NFYC: variants seen among roughly 807,000 people sequenced by gnomAD.
NFYC encodes the protein nuclear transcription factor Y subunit gamma, also known as CAAT box DNA-binding protein subunit C.
In NFYC, 25 loss-of-function variants were observed where a neutral mutation model predicts 53.1. The observed-to-expected ratio is 0.47, with a 90% CI of 0.34 to 0.66. NFYC has a LOEUF of 0.66. Ranked by LOEUF, NFYC falls within the 30% of genes least tolerant of loss-of-function variation. NFYC has a pLI of 0.01. For synonymous variants in NFYC, 145 were observed against 152.6 expected (o/e 0.95, Z 0.37); for missense variants, 260 against 422.7 (o/e 0.62, Z 3.38).
At chr1:40,762,381 G>A (rs962049341) in intron 6 of NFYC, among the ~76,000 whole-genome samples, 2 of 152,172 alleles carry the variant, frequency 1.3e-5, no homozygotes, top group African/African-American at 4.8e-5. Context: ...ACTAGGGCCC[G>A]CCTTGGAGAT....
chr1:40,733,304 A>G (rs1342431758), intron 1 of NFYC, among the ~76,000 whole-genome samples: 1 of 151,772 alleles, frequency 6.6e-6, no homozygotes, highest in Non-Finnish European at 1.5e-5. Context: ...GGGAGGGACC[A>G]GTTCCAGAAA....
chr1:40,710,473 C>T (rs1458460061), intron 1 of NFYC, among the ~76,000 whole-genome samples: 1 of 152,156 alleles, frequency 6.6e-6, no homozygotes, highest in Non-Finnish European at 1.5e-5. Context: ...TAATCAGTAA[C>T]CAGCCAGTTC....
chr1:40,705,398 G>C (rs1215827064), intron 1 of NFYC, among the ~76,000 whole-genome samples: 1 of 149,088 alleles, frequency 6.7e-6, no homozygotes, highest in Non-Finnish European at 1.5e-5. Context: ...TTGGCCTTCT[G>C]CCTTCTCTTC....
chr1:40,721,234 GCTT>G (rs1644316083), intron 1 of NFYC, among the ~76,000 whole-genome samples: 1 of 152,186 alleles, frequency 6.6e-6, no homozygotes, highest in Admixed American at 6.5e-5. Context: ...GTAAAGGCAA[GCTT>G]CTTATCAATG....
intron 1 of NFYC, among the ~76,000 whole-genome samples, chr1:40,727,220 G>T (rs374887518): frequency 1.9e-3 from 286 of 152,058 alleles, no homozygotes; most frequent in South Asian, 1.9e-3. Context: ...TGTTTGGTTG[G>T]TTGGTTGGTT....
chr1:40,708,571 C>G (rs987921785), intron 1 of NFYC, among the ~76,000 whole-genome samples: 1 of 152,296 alleles, frequency 6.6e-6, no homozygotes, highest in Middle Eastern at 3.4e-3. Flanking sequence ...AGAAATGCCA[C>G]TTCCATTGTC....
At chr1:40,766,031 T>C (rs531445773) in intron 7 of NFYC, 1 of 148,470 alleles carries the variant, frequency 6.7e-6, no homozygotes, top group Non-Finnish European at 1.5e-5. Context: ...ACACCAAAGA[T>C]CCTAAAAGCC....
At chr1:40,750,541 A>G (rs1297680298) in intron 4 of NFYC, among the ~76,000 whole-genome samples, 4 of 152,236 alleles carry the variant, frequency 2.6e-5, no homozygotes, top group African/African-American at 9.6e-5. Context: ...CAGCTTGTCA[A>G]TGCGTCATAA....
intron 1 of NFYC, among the ~76,000 whole-genome samples, chr1:40,702,941 C>G (rs772218493): frequency 2.0e-5 from 3 of 152,118 alleles, no homozygotes. Flanking sequence ...CCCAGCCTCC[C>G]GAGTAGCTGG....
chr1:40,706,194 C>T (rs1046706872), intron 1 of NFYC, among the ~76,000 whole-genome samples: 18 of 152,034 alleles, frequency 1.2e-4, no homozygotes, highest in Admixed American at 2.6e-4. Context: ...GTACCACTCT[C>T]GGTGGGACCC....
At chr1:40,737,487 C>T (rs1016807023) in intron 1 of NFYC, among the ~76,000 whole-genome samples, 2 of 151,938 alleles carry the variant, frequency 1.3e-5, no homozygotes, top group African/African-American at 4.8e-5. Flanking sequence ...TGCCGCCACG[C>T]CCGGCTAATT....
chr1:40,747,616 A>T lies in NFYC; in HGVS notation c.177+11A>T. 6.4e-7 allele frequency: 1 copy of T among 1,570,274 alleles called. No homozygotes were observed. Among genetic ancestry groups the T allele is most frequent in the Non-Finnish European group, 8.8e-7 (1 of 1,141,232 alleles). On this transcript the variant is annotated intron_variant, in intron 3 of 9. Coordinates refer to ENST00000447388, the MANE Select transcript of NFYC (RefSeq NM_014223.5). ...GATGAAGATGTGAAGGTGAATTCACATTCATTTTTATTATTTCTTATTGAA... is the reference window on the plus strand; with the variant it reads ...GATGAAGATGTGAAGGTGAATTCACTTTCATTTTTATTATTTCTTATTGAA...
At chr1:40,702,373 C>G (rs1221886154) in intron 1 of NFYC, among the ~76,000 whole-genome samples, 1 of 138,414 alleles carries the variant, frequency 7.2e-6, no homozygotes, top group African/African-American at 2.7e-5. Flanking sequence ...GAGGGAGTCT[C>G]TCTTTGTCAC....
chr1:40,714,718 A>G (rs1277517349), intron 1 of NFYC, among the ~76,000 whole-genome samples: 4 of 134,316 alleles, frequency 3.0e-5, no homozygotes, highest in Non-Finnish European at 6.9e-5. Context: ...GGGCTCAAGC[A>G]GTCCTCCCAC....
At chr1:40,726,147 C>T (rs1278955856) in intron 1 of NFYC, among the ~76,000 whole-genome samples, 2 of 151,192 alleles carry the variant, frequency 1.3e-5, no homozygotes, top group Admixed American at 6.6e-5. Flanking sequence ...GATGGAGTTT[C>T]GCTCCTGTTG....
At chr1:40,749,748 G>T in intron 4 of NFYC, 62 bp downstream of exon 4, 1 of 1,329,564 alleles carries the variant, frequency 7.5e-7, no homozygotes. Context: ...CTGTTTTCCT[G>T]CGTGGTGTTG....
At chr1:40,712,250 A>T (rs1643951601) in intron 1 of NFYC, 1 of 152,104 alleles carries the variant, frequency 6.6e-6, no homozygotes, top group Admixed American at 6.5e-5. Context: ...TGCTGACATG[A>T]CCCTATTTAT....
At chr1:40,693,074 G>C (rs1642924632) in intron 1 of NFYC, among the ~76,000 whole-genome samples, 1 of 152,116 alleles carries the variant, frequency 6.6e-6, no homozygotes, top group Non-Finnish European at 1.5e-5. Context: ...AGAAATTTTC[G>C]GTCTTGGTTT....
chr1:40,766,556 T>A (rs746055642), intron 7 of NFYC, 40 bp from the exon 8 acceptor site: 1 of 1,471,656 alleles, frequency 6.8e-7, no homozygotes, highest in African/African-American at 1.4e-5. Context: ...GAGATTATAC[T>A]CAATGTCTTA....
Sources: gnomAD v4.1 joint callset for allele counts (sites outside exome capture counted in the v4.1 genomes callset) on GRCh38, gnomAD v4.1.1 for gene constraint, MANE v1.5 for transcripts, NCBI Gene and HGNC (gene_info 2026-07-23, HGNC 2026-07-21) for gene names.